The following ST6GALNAC5 variants were observed in gnomAD, a reference collection of about 807,000 sequenced individuals.
The protein encoded by ST6GALNAC5 is alpha-N-acetylgalactosaminide alpha-2,6-sialyltransferase 5.
ST6GALNAC5 carries 27 observed loss-of-function variants against 33.6 expected under a neutral mutation model. That is an observed-to-expected ratio of 0.80 (90% CI 0.59 to 1.11). The LOEUF (loss-of-function observed/expected upper bound fraction) is 1.11, where lower values mean the gene tolerates loss of function less well. Among genes scored for constraint, ST6GALNAC5 ranks in the 50% least tolerant of loss-of-function variants. ST6GALNAC5 has a pLI of 0.00. For missense variants in ST6GALNAC5, 428 were observed against 454.0 expected (o/e 0.94, Z 0.52); for synonymous variants, 194 against 171.2 (o/e 1.13, Z -1.04).
At chr1:77,052,673 C>T (rs1652263079) in intron 4 of ST6GALNAC5, among the ~76,000 whole-genome samples, 2 of 151,792 alleles carry the variant, frequency 1.3e-5, no homozygotes, top group Non-Finnish European at 2.9e-5. Flanking sequence ...AATCCCAGCA[C>T]TTTGGGAGGC....
chr1:76,929,955 T>G (rs997370712), intron 2 of ST6GALNAC5, among the ~76,000 whole-genome samples: 14 of 152,024 alleles, frequency 9.2e-5, no homozygotes, highest in Non-Finnish European at 1.5e-4. Flanking sequence ...TACAAAAAAA[T>G]AAAAATTGAA....
At chr1:76,875,321 G>A (rs968205225) in intron 2 of ST6GALNAC5, among the ~76,000 whole-genome samples, 12 of 152,122 alleles carry the variant, frequency 7.9e-5, no homozygotes, top group African/African-American at 1.4e-4. Context: ...TGGATTGGGC[G>A]GTTGTAATTT....
At chr1:76,956,648 G>T (rs1051448765) in intron 2 of ST6GALNAC5, among the ~76,000 whole-genome samples, 1 of 152,012 alleles carries the variant, frequency 6.6e-6, no homozygotes, top group African/African-American at 2.4e-5. Flanking sequence ...TCCTGTCAGT[G>T]GAGGAACTGT....
chr1:76,901,418 C>T (rs1205941771), intron 2 of ST6GALNAC5, among the ~76,000 whole-genome samples: 6 of 152,094 alleles, frequency 3.9e-5, no homozygotes, highest in Admixed American at 6.6e-5. Flanking sequence ...TGGGTTAGCA[C>T]CTAGGTTTTT....
At chr1:76,999,205 T>A (rs1650049788) in intron 2 of ST6GALNAC5, among the ~76,000 whole-genome samples, 1 of 152,174 alleles carries the variant, frequency 6.6e-6, no homozygotes, top group South Asian at 2.1e-4. Flanking sequence ...GCGTGTTGTG[T>A]TTTATCTGAA....
At chr1:76,867,837 T>G in intron 1 of ST6GALNAC5, 147 bp downstream of exon 1, 14 of 1,137,570 alleles carry the variant, frequency 1.2e-5, no homozygotes, top group East Asian at 2.6e-5. Context: ...CCGCTCCGCG[T>G]TCCCTCCCGA....
intron 2 of ST6GALNAC5, among the ~76,000 whole-genome samples, chr1:76,869,508 G>A (rs984801692): frequency 3.3e-5 from 5 of 152,146 alleles, no homozygotes; most frequent in Non-Finnish European, 5.9e-5. Context: ...CAGTTTAAAT[G>A]TATCCGCCAT....
intron 2 of ST6GALNAC5, among the ~76,000 whole-genome samples, chr1:77,016,821 T>A (rs1359637810): frequency 1.3e-5 from 2 of 152,218 alleles, no homozygotes; most frequent in East Asian, 1.9e-4. Flanking sequence ...GACACTGCAC[T>A]GAAATTAGAA....
chr1:76,913,739 C>T (rs186098068), intron 2 of ST6GALNAC5, among the ~76,000 whole-genome samples: 1 of 152,216 alleles, frequency 6.6e-6, no homozygotes, highest in Non-Finnish European at 1.5e-5. Flanking sequence ...CAATATCATA[C>T]TGAATGGGCA....
At chr1:76,970,292 A>G (rs1443605747) in intron 2 of ST6GALNAC5, among the ~76,000 whole-genome samples, 2 of 151,998 alleles carry the variant, frequency 1.3e-5, no homozygotes, top group Non-Finnish European at 2.9e-5. Flanking sequence ...CATCACAAGA[A>G]AGCTAAAAAC....
chr1:76,986,101 G>T lies in ST6GALNAC5; in HGVS notation c.262-58103G>T, dbSNP rs139114776. Among the ~76,000 whole-genome samples the T allele has an allele frequency of 2.1e-3, 326 of 152,262 alleles. 1 individual carries two copies. Among genetic ancestry groups the T allele is most frequent in the African/African-American group, 7.5e-3 (310 of 41,552 alleles). On this transcript the variant is annotated intron_variant, in intron 2 of 4. Coordinates refer to ENST00000477717, the MANE Select transcript of ST6GALNAC5 (RefSeq NM_030965.3). ...CCTTTCAGGACATAGGCATGGGCAA[G>T]GACTTCATGACTAAAACACCAAAAG...
chr1:77,041,084 C>T (rs543239848), intron 2 of ST6GALNAC5, among the ~76,000 whole-genome samples: 4 of 152,282 alleles, frequency 2.6e-5, no homozygotes, highest in South Asian at 2.1e-4. Flanking sequence ...CTATTTTGGC[C>T]GAAGTCATCA....
chr1:76,991,854 C>T (rs140419979), intron 2 of ST6GALNAC5, among the ~76,000 whole-genome samples: 116 of 152,224 alleles, frequency 7.6e-4, no homozygotes, highest in Admixed American at 1.3e-3. Context: ...CACACACACA[C>T]ACACACACAC....
At chr1:76,955,678 T>C (rs1647929964) in intron 2 of ST6GALNAC5, among the ~76,000 whole-genome samples, 2 of 152,196 alleles carry the variant, frequency 1.3e-5, no homozygotes, top group Non-Finnish European at 2.9e-5. Flanking sequence ...ATGAAGTCCA[T>C]AAATCCACAT....
chr1:77,041,509 A>G (rs1651829367), intron 2 of ST6GALNAC5, among the ~76,000 whole-genome samples: 1 of 152,238 alleles, frequency 6.6e-6, no homozygotes, highest in Non-Finnish European at 1.5e-5. Flanking sequence ...ATAAATTATC[A>G]TGGAACTCTT....
chr1:77,014,446 A>T (rs1296831672), intron 2 of ST6GALNAC5, among the ~76,000 whole-genome samples: 1 of 152,166 alleles, frequency 6.6e-6, no homozygotes, highest in African/African-American at 2.4e-5. Context: ...TGAATAAAGG[A>T]TGTAAAAAGG....
At chr1:76,937,507 G>T (rs1185631853) in intron 2 of ST6GALNAC5, among the ~76,000 whole-genome samples, 3 of 152,066 alleles carry the variant, frequency 2.0e-5, no homozygotes, top group Non-Finnish European at 2.9e-5. Flanking sequence ...AGGAAGGGTT[G>T]AGGCGTCTGA....
chr1:76,870,617 C>T (rs991307935), intron 2 of ST6GALNAC5, among the ~76,000 whole-genome samples: 1 of 152,132 alleles, frequency 6.6e-6, no homozygotes, highest in African/African-American at 2.4e-5. Flanking sequence ...AAACAAAGAA[C>T]AGTCCTTTTC....
rs1570670485 is a variant in ST6GALNAC5, at chr1:76,916,862, A to G, written c.261+48120A>G. On this transcript the variant is annotated intron_variant, in intron 2 of 4. Transcript: ENST00000477717. Reference sequence around the variant, plus strand: ...TGTTTGATTAAACCAAAATAATGTTAGTATAATTTCCCTGTAAATTATTAT... The same window carrying G: ...TGTTTGATTAAACCAAAATAATGTTGGTATAATTTCCCTGTAAATTATTAT... 6.6e-5 allele frequency among the ~76,000 whole-genome samples: 10 copies of G among 152,332 alleles called. No homozygotes were observed. The South Asian group carries it at 2.1e-3, about 32-fold the overall frequency.
Sources: allele counts gnomAD v4.1 joint callset (sites outside exome capture counted in the v4.1 genomes callset), GRCh38; gene constraint gnomAD v4.1.1; transcripts MANE v1.5; gene names NCBI Gene and HGNC (gene_info 2026-07-23, HGNC 2026-07-21).